Variants in MAD1L1 observed in about 807,000 individuals in gnomAD.
The protein encoded by MAD1L1 is mitotic arrest deficient 1 like 1.
MAD1L1 carries 95 observed loss-of-function variants against 96.9 expected under a neutral mutation model. That is an observed-to-expected ratio of 0.98 (90% confidence interval 0.83 to 1.16). The LOEUF (loss-of-function observed/expected upper bound fraction) is 1.16, where lower values mean the gene tolerates loss of function less well. MAD1L1 is among the 50% of genes most tolerant of loss of function. MAD1L1 has a pLI of 0.00. For missense variants in MAD1L1, 1,007 were observed against 954.4 expected, an observed-to-expected ratio of 1.06 and a Z score of -0.73; for synonymous variants, 473 against 396.6, an observed-to-expected ratio of 1.19 and a Z score of -2.29.
At position 2,215,908 on chromosome 7, in the gene MAD1L1, C is replaced by T. The variant is rs761308121; in HGVS notation, c.901G>A (p.Val301Ile). 7 of 1,614,218 alleles carry T rather than the reference C, an allele frequency of 4.3e-6. No homozygotes were observed. Among genetic ancestry groups the T allele is most frequent in the South Asian group, 2.2e-5 (2 of 91,080 alleles). Residue 301 changes from valine to isoleucine, a missense_variant, in exon 9 of 19, where the codon GTT (valine) becomes ATT (isoleucine). Physicochemically the swap from Val to Ile is conservative, Grantham distance 29. Transcript: ENST00000265854. ...GRQEKMQETL[V>I]GLELENERLL... is the part of the protein sequence containing the mutation. ...ACCTCGTTCTCCAGCTCCAAGCCAA[C>T]CAGCGTCTCCTGCATCTTCTCCTGG...
chr7:1,944,335 C>T (rs1339274524), intron 16 of MAD1L1, among the ~76,000 whole-genome samples: 1 of 152,178 alleles, frequency 6.6e-6, no homozygotes, highest in African/African-American at 2.4e-5. Flanking sequence ...GCTGAACTGC[C>T]CCCTTCAAAG....
chr7:2,025,073 G>A (rs1214543064), intron 12 of MAD1L1, among the ~76,000 whole-genome samples: 1 of 152,220 alleles, frequency 6.6e-6, no homozygotes, highest in South Asian at 2.1e-4. Context: ...TTCATGAACT[G>A]TAACAAATAT....
intron 12 of MAD1L1, among the ~76,000 whole-genome samples, chr7:2,057,467 T>C (rs1408162183): frequency 6.6e-6 from 1 of 152,014 alleles, no homozygotes; most frequent in African/African-American, 2.4e-5. Context: ...TGAGCCAAGA[T>C]TGCACCACTG....
chr7:2,039,892 C>G (rs1183676693), intron 12 of MAD1L1, among the ~76,000 whole-genome samples: 1 of 151,694 alleles, frequency 6.6e-6, no homozygotes, highest in African/African-American at 2.4e-5. Flanking sequence ...TTGACCCAAG[C>G]AGAAGGAACG....
chr7:1,965,257 G>A (rs996272301), intron 15 of MAD1L1, among the ~76,000 whole-genome samples: 27 of 152,228 alleles, frequency 1.8e-4, no homozygotes, highest in Admixed American at 1.4e-3. Flanking sequence ...CACTCGCTGC[G>A]TGTCCTGACA....
chr7:1,891,242 T>C (rs1786519943), intron 18 of MAD1L1, among the ~76,000 whole-genome samples: 1 of 152,184 alleles, frequency 6.6e-6, no homozygotes, highest in Non-Finnish European at 1.5e-5. Context: ...CAAATTTTAA[T>C]AGGCTGGGTG....
At chr7:1,970,916 T>C (rs1009936404) in intron 15 of MAD1L1, among the ~76,000 whole-genome samples, 2 of 152,202 alleles carry the variant, frequency 1.3e-5, no homozygotes, top group African/African-American at 4.8e-5. Context: ...CGCCCGCCCT[T>C]GGTACTCGCC....
intron 11 of MAD1L1, among the ~76,000 whole-genome samples, chr7:2,110,290 G>A (rs1296143691): frequency 1.2e-4 from 18 of 152,196 alleles, no homozygotes; most frequent in Admixed American, 1.1e-3. Context: ...GCTCACAGCC[G>A]TGCCGCCATG....
chr7:2,220,878 A>G, intron 5 of MAD1L1: 1 of 1,608,328 alleles, frequency 6.2e-7, no homozygotes, highest in Middle Eastern at 1.7e-4. Flanking sequence ...CTCAATTAAT[A>G]CGCACCGTGT....
At chr7:2,039,726 G>A (rs1397949886) in intron 12 of MAD1L1, among the ~76,000 whole-genome samples, 1 of 152,050 alleles carries the variant, frequency 6.6e-6, no homozygotes, top group Non-Finnish European at 1.5e-5. Flanking sequence ...CTATTACTGA[G>A]TTTTGAGAGT....
chr7:2,050,620 G>A (rs181282152), intron 12 of MAD1L1, among the ~76,000 whole-genome samples: 2 of 152,258 alleles, frequency 1.3e-5, no homozygotes, highest in East Asian at 3.9e-4. Flanking sequence ...ATGGACACAG[G>A]GACCCAGGCA....
At chr7:2,170,557 G>A (rs577722421) in intron 10 of MAD1L1, among the ~76,000 whole-genome samples, 2 of 152,290 alleles carry the variant, frequency 1.3e-5, no homozygotes, top group East Asian at 1.9e-4. Flanking sequence ...GGACTTCATC[G>A]TGACATCGGC....
At chr7:2,042,980 G>A (rs1180930602) in intron 12 of MAD1L1, among the ~76,000 whole-genome samples, 5 of 152,152 alleles carry the variant, frequency 3.3e-5, no homozygotes, top group African/African-American at 1.2e-4. Flanking sequence ...ACCCCGTGAA[G>A]CTGAAAGTCA....
At chr7:1,999,292 T>C (rs956500325) in intron 14 of MAD1L1, among the ~76,000 whole-genome samples, 1 of 151,884 alleles carries the variant, frequency 6.6e-6, no homozygotes, top group Non-Finnish European at 1.5e-5. Context: ...AAGAAAAACA[T>C]GGTTGATACT....
intron 18 of MAD1L1, among the ~76,000 whole-genome samples, chr7:1,862,206 G>T (rs1420078683): frequency 6.6e-6 from 1 of 152,202 alleles, no homozygotes; most frequent in African/African-American, 2.4e-5. Context: ...GGTTACTCCG[G>T]GTTGGTCTCC....
intron 11 of MAD1L1, among the ~76,000 whole-genome samples, chr7:2,130,649 C>A (rs971492905): frequency 1.3e-4 from 20 of 152,224 alleles, no homozygotes; most frequent in African/African-American, 4.8e-4. Context: ...AAAAGTTAAG[C>A]CCCGGAGGCC....
chr7:2,127,102 G>A (rs1388727631), intron 11 of MAD1L1, among the ~76,000 whole-genome samples: 1 of 152,206 alleles, frequency 6.6e-6, no homozygotes. Flanking sequence ...GGGCCTCTCA[G>A]TGACCCCACT....
intron 11 of MAD1L1, among the ~76,000 whole-genome samples, chr7:2,099,855 C>A (rs946670843): frequency 6.6e-6 from 1 of 152,196 alleles, no homozygotes. Flanking sequence ...TGAGGAGTCA[C>A]CTCCCACCAG....
intron 11 of MAD1L1, among the ~76,000 whole-genome samples, chr7:2,092,285 GTCTC>G (rs1159656952): frequency 9.2e-5 from 14 of 152,110 alleles, no homozygotes; most frequent in Non-Finnish European, 1.9e-4. Flanking sequence ...CTGAGACAGG[GTCTC>G]TCTCTGTCTC....
Sources: gnomAD v4.1 joint callset for allele counts (sites outside exome capture counted in the v4.1 genomes callset) on GRCh38, gnomAD v4.1.1 for gene constraint, MANE v1.5 for transcripts, NCBI Gene and HGNC (gene_info 2026-07-23, HGNC 2026-07-21) for gene names.